Variants in SLCO1A2 observed in about 807,000 individuals in gnomAD.
SLCO1A2 encodes the protein solute carrier organic anion transporter family member 1A2.
SLCO1A2 carries 67 observed loss-of-function variants against 69.0 expected under a neutral mutation model. The observed-to-expected ratio is 0.97, with a 90% CI of 0.80 to 1.19. The LOEUF is 1.19. Ranked by LOEUF, SLCO1A2 falls within the 50% of genes most tolerant of loss-of-function variation. The pLI is 0.00. For missense variants in SLCO1A2, 787 were observed against 793.7 expected (o/e 0.99, Z 0.10); for synonymous variants, 260 against 265.9 (o/e 0.98, Z 0.22).
intron 2 of SLCO1A2, among the ~76,000 whole-genome samples, chr12:21,343,313 A>G (rs1234188104): frequency 2.0e-5 from 3 of 152,178 alleles, no homozygotes; most frequent in Non-Finnish European, 2.9e-5. Flanking sequence ...AGAACTAATT[A>G]CAAATGAGAC....
chr12:21,384,766 TTTC>T (rs1474549974), intron 1 of SLCO1A2, among the ~76,000 whole-genome samples: 5 of 140,648 alleles, frequency 3.6e-5, no homozygotes, highest in Admixed American at 7.1e-5. Context: ...TTAGTTTTTT[TTTC>T]TTTTTTTTTT....
intron 1 of SLCO1A2, among the ~76,000 whole-genome samples, chr12:21,413,386 C>A (rs1288475932): frequency 6.6e-6 from 1 of 151,476 alleles, no homozygotes; most frequent in Non-Finnish European, 1.5e-5. Flanking sequence ...GGACTACAGG[C>A]GCGCGCCACC....
At chr12:21,305,351 G>A (rs963595825) in intron 5 of SLCO1A2, among the ~76,000 whole-genome samples, 1 of 152,192 alleles carries the variant, frequency 6.6e-6, no homozygotes, top group African/African-American at 2.4e-5. Context: ...GTGGAGTCCC[G>A]TTTTCAGGGA....
At chr12:21,296,297 G>A (rs150012482) in intron 9 of SLCO1A2, among the ~76,000 whole-genome samples, 9 of 152,230 alleles carry the variant, frequency 5.9e-5, no homozygotes, top group Non-Finnish European at 1.0e-4. Flanking sequence ...CTGGAGTGCA[G>A]TGATATGATC....
intron 2 of SLCO1A2, among the ~76,000 whole-genome samples, chr12:21,348,585 T>G (rs1937682424): frequency 6.6e-6 from 1 of 152,192 alleles, no homozygotes; most frequent in Admixed American, 6.5e-5. Flanking sequence ...CTCATTCTTT[T>G]TTTACTCCCT....
At chr12:21,309,272 A>G (rs1300641196) in intron 4 of SLCO1A2, among the ~76,000 whole-genome samples, 1 of 152,198 alleles carries the variant, frequency 6.6e-6, no homozygotes, top group African/African-American at 2.4e-5. Context: ...GTGTTATGAA[A>G]GAAGGTATAG....
intron 10 of SLCO1A2, chr12:21,295,338 A>G: frequency 6.7e-6 from 2 of 296,864 alleles, no homozygotes; most frequent in Admixed American, 1.2e-4. Context: ...CGGATATCAC[A>G]AAGACAATCA....
chr12:21,394,959 G>GT (rs777427942), exon 1 of SLCO1A2: 2 of 152,238 alleles, frequency 1.3e-5, no homozygotes, highest in African/African-American at 4.8e-5. Context: ...ACAAAGCACC[G>GT]TAAGTGTGCT....
upstream of SLCO1A2, among the ~76,000 whole-genome samples, chr12:21,339,101 C>G (rs1952984036): frequency 6.6e-6 from 1 of 151,946 alleles, no homozygotes; most frequent in African/African-American, 2.4e-5. Flanking sequence ...CCTTGCAGGG[C>G]TGCTGAAATA....
chr12:21,306,135 G>C (rs538089440), intron 5 of SLCO1A2, among the ~76,000 whole-genome samples: 2 of 152,324 alleles, frequency 1.3e-5, no homozygotes, highest in South Asian at 4.1e-4. Flanking sequence ...GAGTAATTCA[G>C]AACTATAGCG....
At chr12:21,398,412 C>G (rs1234144904), upstream of SLCO1A2, among the ~76,000 whole-genome samples, 2 of 125,750 alleles carry the variant, frequency 1.6e-5, 1 homozygote, top group Non-Finnish European at 3.6e-5. Context: ...GAGTCCAGGA[C>G]CAGATGGATT....
chr12:21,378,317 A>T (rs149268012), intron 1 of SLCO1A2: 2 of 1,614,078 alleles, frequency 1.2e-6, no homozygotes, highest in African/African-American at 2.7e-5. Flanking sequence ...CATTCCAGCA[A>T]CAACTTTGGT....
chr12:21,312,365 C>T (rs1395635735), intron 4 of SLCO1A2, among the ~76,000 whole-genome samples: 1 of 152,192 alleles, frequency 6.6e-6, no homozygotes, highest in Non-Finnish European at 1.5e-5. Flanking sequence ...TCTTCTGGCT[C>T]AAGGGAATGT....
intron 1 of SLCO1A2, among the ~76,000 whole-genome samples, chr12:21,415,273 T>C (rs1941971592): frequency 6.6e-6 from 1 of 152,130 alleles, no homozygotes; most frequent in Non-Finnish European, 1.5e-5. Flanking sequence ...ATTCCTACCA[T>C]ACTACCATTA....
At chr12:21,395,747 C>G (rs560904798), upstream of SLCO1A2, among the ~76,000 whole-genome samples, 21 of 152,274 alleles carry the variant, frequency 1.4e-4, no homozygotes, top group Admixed American at 6.5e-4. Context: ...TGGGAGGCAC[C>G]CCCCAGCAGG....
intron 2 of SLCO1A2, among the ~76,000 whole-genome samples, chr12:21,360,655 G>A (rs139897346): frequency 2.5e-3 from 386 of 152,318 alleles, no homozygotes; most frequent in African/African-American, 8.9e-3. Context: ...AGCCATGACA[G>A]ACAGCACCTG....
In SLCO1A2 at chr12:21,269,396, T is replaced by G. The variant is rs1308183257; in HGVS notation, c.*152A>C. On this transcript the variant is annotated 3_prime_UTR_variant, in exon 15 of 15. Transcript: ENST00000683939. ...AAGTGTCACTGATACCTTAGAAATATCATTAGTGAACATTTTATTATTTTG... is the reference window on the plus strand; with the variant it reads ...AAGTGTCACTGATACCTTAGAAATAGCATTAGTGAACATTTTATTATTTTG... 1.1e-5 allele frequency: 6 copies of G among 547,108 alleles called. No individual in the cohort carries two copies. Among genetic ancestry groups the G allele is most frequent in the Non-Finnish European group, 1.9e-5 (6 of 317,302 alleles). 33.9% of individuals were successfully genotyped at this position (547,108 alleles called of 1,614,324 possible).
chr12:21,378,900 C>G (rs192460276), intron 1 of SLCO1A2: 1 of 156,032 alleles, frequency 6.4e-6, no homozygotes, highest in African/African-American at 2.4e-5. Flanking sequence ...CATGGTGAAA[C>G]CCTGTCTCTA....
intron 12 of SLCO1A2, among the ~76,000 whole-genome samples, chr12:21,290,185 A>G (rs1946624455): frequency 6.6e-6 from 1 of 152,040 alleles, no homozygotes; most frequent in Admixed American, 6.6e-5. Context: ...ATTTTTAAGA[A>G]CTTTAAGGAT....
Sources: gnomAD v4.1 joint callset for allele counts (sites outside exome capture counted in the v4.1 genomes callset) on GRCh38, gnomAD v4.1.1 for gene constraint, MANE v1.5 for transcripts, NCBI Gene and HGNC (gene_info 2026-07-23, HGNC 2026-07-21) for gene names.